The following CASS4 variants were observed in gnomAD, a reference collection of about 807,000 sequenced individuals.
CASS4 encodes cas scaffolding protein family member 4.
A neutral mutation model predicts 54.2 loss-of-function variants in CASS4; 22 were observed. The observed-to-expected ratio is 0.41, with a 90% CI of 0.29 to 0.58. The LOEUF (loss-of-function observed/expected upper bound fraction) is 0.58, where lower values mean the gene tolerates loss of function less well. CASS4 is among the 20% of genes least tolerant of loss of function. CASS4 has a pLI of 0.36. For synonymous variants in CASS4, 409 were observed against 391.5 expected, an observed-to-expected ratio of 1.04 and a Z score of -0.53; for missense variants, 854 against 986.7, an observed-to-expected ratio of 0.87 and a Z score of 1.80.
chr20:56,456,957 A>G (rs1055613267), intron 5 of CASS4, among the ~76,000 whole-genome samples: 1 of 152,196 alleles, frequency 6.6e-6, no homozygotes, highest in African/African-American at 2.4e-5. Flanking sequence ...AAGTGCTGGG[A>G]TTACAGGTGT....
intron 2 of CASS4, among the ~76,000 whole-genome samples, chr20:56,440,430 G>A (rs868266143): frequency 4.6e-5 from 7 of 152,182 alleles, no homozygotes; most frequent in African/African-American, 1.7e-4. Context: ...CAGATGCGCT[G>A]TCCTCTGTTG....
Position 56,452,510 on chromosome 20 carries a change from T to C in CASS4, c.1334T>C (p.Met445Thr). 2.5e-6 allele frequency: 4 copies of C among 1,613,972 alleles called. No homozygotes were observed. Among genetic ancestry groups the C allele is most frequent in the Non-Finnish European group, 3.4e-6 (4 of 1,179,890 alleles). Residue 445 changes from methionine to threonine, a missense_variant, in exon 5 of 6, where the codon ATG (methionine) becomes ACG (threonine). Coordinates refer to ENST00000679887, the MANE Select transcript of CASS4 (RefSeq NM_020356.4). The part of the protein sequence containing the change: ...LDLDVAKETV[M>T]ALQHKVVSSV... ...CTGGATGTGGCCAAGGAGACAGTGA[T>C]GGCTCTGCAGCACAAGGTGGTCAGC...
At position 56,452,489 on chromosome 20, in the gene CASS4, A is replaced by G. The variant is rs756822677; in HGVS notation, c.1313A>G (p.Asp438Gly). The change falls in exon 5 of 6, where the codon GAT becomes GGT. Residue 438 changes from aspartate (D) to glycine (G), a missense_variant. Coordinates refer to ENST00000679887, the MANE Select transcript of CASS4 (RefSeq NM_020356.4). The stretch of plus-strand genomic sequence containing the variant: ...GCAAAGGAGCTCTCCTTGGACCTGG[A>G]TGTGGCCAAGGAGACAGTGATGGCT... The part of the protein sequence containing the change: ...ESAKELSLDL[D>G]VAKETVMALQ... 4.2e-5 allele frequency: 67 copies of G among 1,613,666 alleles called. No individual in the cohort carries two copies. Among genetic ancestry groups the G allele is most frequent in the Non-Finnish European group, 6.8e-6 (8 of 1,179,788 alleles).
At chr20:56,445,779 G>A (rs1187681455) in intron 2 of CASS4, 121 bp from the exon 3 acceptor site, 15 of 690,676 alleles carry the variant, frequency 2.2e-5, no homozygotes, top group Middle Eastern at 2.5e-4. Flanking sequence ...CGGGGGTGCC[G>A]GGCGACCCCT....
chr20:56,456,503 A>G (rs1212740415), intron 5 of CASS4, among the ~76,000 whole-genome samples: 1 of 151,604 alleles, frequency 6.6e-6, no homozygotes, highest in Non-Finnish European at 1.5e-5. Context: ...CCTCCTGAGT[A>G]GCTGGGACTA....
chr20:56,443,744 C>T (rs1980575026), intron 2 of CASS4, among the ~76,000 whole-genome samples: 2 of 152,042 alleles, frequency 1.3e-5, no homozygotes, highest in South Asian at 4.1e-4. Context: ...GCAGGCTGGA[C>T]GAGGGCCGCT....
rs778977913 is a variant in CASS4, at chr20:56,451,796, A to G, written c.643-23A>G. The G allele has an allele frequency of 1.9e-6, 3 of 1,576,050 alleles. No homozygotes were observed. In the South Asian group the frequency reaches 3.4e-5, roughly 18 times the overall value. On this transcript the variant is annotated intron_variant, in intron 4 of 5. Coordinates refer to ENST00000679887, the MANE Select transcript of CASS4 (RefSeq NM_020356.4). ...CTCTTTGGAAAGCTACTAACCCGGC[A>G]ACTATGTGTGGTTCTCCCACAGGGG...
intron 5 of CASS4, among the ~76,000 whole-genome samples, chr20:56,458,014 CAAAAAAAAAAA>C (rs11355939): frequency 1.2e-4 from 9 of 76,510 alleles, no homozygotes; most frequent in African/African-American, 4.0e-4. Flanking sequence ...AACTCTGTCT[CAAAAAAAAAAA>C]AAAAAAAAAA....
At chr20:56,446,541 TG>T (rs1249587748) in intron 3 of CASS4, among the ~76,000 whole-genome samples, 3 of 152,192 alleles carry the variant, frequency 2.0e-5, no homozygotes, top group East Asian at 1.9e-4. Context: ...AAATTTTAGT[TG>T]TTTTTTTTTA....
chr20:56,441,677 G>A (rs1980466230), intron 2 of CASS4, among the ~76,000 whole-genome samples: 1 of 152,100 alleles, frequency 6.6e-6, no homozygotes, highest in Non-Finnish European at 1.5e-5. Context: ...GATGTGGTCT[G>A]TGGCTTACAA....
At chr20:56,418,387 C>T (rs1239461812) in intron 1 of CASS4, among the ~76,000 whole-genome samples, 2 of 152,126 alleles carry the variant, frequency 1.3e-5, no homozygotes, top group Non-Finnish European at 1.5e-5. Flanking sequence ...GAGGTGTAAG[C>T]AGGATAACAT....
At chr20:56,456,718 G>T (rs1981315174) in intron 5 of CASS4, among the ~76,000 whole-genome samples, 1 of 150,306 alleles carries the variant, frequency 6.7e-6, no homozygotes, top group Non-Finnish European at 1.5e-5. Context: ...TTGCTCTGTT[G>T]CTGAGGCTAG....
intron 2 of CASS4, among the ~76,000 whole-genome samples, chr20:56,441,635 G>C (rs1377389068): frequency 2.0e-5 from 3 of 152,020 alleles, no homozygotes; most frequent in Non-Finnish European, 4.4e-5. Context: ...TTAATTTCTT[G>C]CCTTCTCTGT....
chr20:56,418,045 C>A (rs960925277), intron 1 of CASS4, among the ~76,000 whole-genome samples: 1 of 152,182 alleles, frequency 6.6e-6, no homozygotes, highest in African/African-American at 2.4e-5. Context: ...GCCATTCACC[C>A]AATGCATAGT....
In CASS4 at chr20:56,459,523, G is replaced by A. The variant is rs77584750; in HGVS notation, c.*776G>A. On this transcript the variant is annotated 3_prime_UTR_variant, in exon 6 of 6. Coordinates refer to ENST00000679887, the MANE Select transcript of CASS4 (RefSeq NM_020356.4). Reference sequence around the variant, plus strand: ...ATCTGAATCCACTGGGGAGTGGGGCGATTTTGTTTTAATTTCTCGGTCAGG... The same window carrying A: ...ATCTGAATCCACTGGGGAGTGGGGCAATTTTGTTTTAATTTCTCGGTCAGG... The A allele has an allele frequency of 1.6e-5, 4 of 244,924 alleles. No individual in the cohort carries two copies. In the South Asian group the frequency reaches 1.8e-4, roughly 11 times the overall value. The allele number at this position is 244,924 out of a possible 1,614,324, so 15.2% of individuals were successfully genotyped here. A position where few individuals can be genotyped will look rare whatever the true frequency, so the allele number is the denominator to read the frequency against.
In CASS4 at chr20:56,436,360, G is replaced by GTA. The variant is rs374578148; in HGVS notation, c.37-792_37-791dup. Among the ~76,000 whole-genome samples the GTA allele has an allele frequency of 7.9e-3, 1,088 of 137,808 alleles. 7 individuals are homozygous for GTA. The highest frequency in any genetic ancestry group is 0.024 in the South Asian group (106 of 4,332). 90.4% of individuals were successfully genotyped at this position (137,808 alleles called of 152,430 possible). A position where few individuals can be genotyped will look rare whatever the true frequency, so the allele number is the denominator to read the frequency against. On this transcript the variant is annotated intron_variant, in intron 1 of 5. Transcript: ENST00000679887. The stretch of plus-strand genomic sequence containing the variant: ...TATGTGTGTGTGTGTGTGTGTGTGT[G>GTA]TATATATATATATGTATATATATAT...
chr20:56,423,827 G>A (rs1179734580), intron 1 of CASS4, among the ~76,000 whole-genome samples: 1 of 152,174 alleles, frequency 6.6e-6, no homozygotes, highest in East Asian at 1.9e-4. Flanking sequence ...TTACAGACAT[G>A]AGCCACTGCG....
Position 56,452,542 on chromosome 20 carries a change from G to C in CASS4, c.1366G>C (p.Ala456Pro). Residue 456 changes from alanine to proline, a missense_variant, in exon 5 of 6, where the codon GCT (alanine) becomes CCT (proline). Physicochemically the swap from Ala to Pro is conservative, Grantham distance 27 (BLOSUM62 -1). Transcript: ENST00000679887. ...ALQHKVVSSV[A>P]GLMLFVSRKW... The stretch of plus-strand genomic sequence containing the variant: ...GCAGCACAAGGTGGTCAGCTCTGTC[G>C]CTGGCCTGATGCTCTTTGTCAGCAG... 1.2e-6 allele frequency: 2 copies of C among 1,614,124 alleles called. No individual in the cohort carries two copies. The highest frequency in any genetic ancestry group is 2.2e-5 in the South Asian group (2 of 91,072).
rs966142569 is a variant in CASS4, at chr20:56,437,004, G to A, written c.37-160G>A. 1.3e-5 allele frequency among the ~76,000 whole-genome samples: 2 copies of A among 152,190 alleles called. No homozygotes were observed. Among genetic ancestry groups the A allele is most frequent in the African/African-American group, 4.8e-5 (2 of 41,452 alleles). ...TCACTTAGACCCCAAGGATGTGAAGGAACAAATCAAAGAGCAGGGACAAGA... is the reference window on the plus strand; with the variant it reads ...TCACTTAGACCCCAAGGATGTGAAGAAACAAATCAAAGAGCAGGGACAAGA... On this transcript the variant is annotated intron_variant, in intron 1 of 5. Coordinates refer to ENST00000679887, the MANE Select transcript of CASS4 (RefSeq NM_020356.4). The surrounding 1 kb of genome is among the most constrained non-coding windows in gnomAD (Gnocchi z 4.7).
Sources: gnomAD v4.1 joint callset for allele counts (sites outside exome capture counted in the v4.1 genomes callset) on GRCh38, gnomAD v4.1.1 for gene constraint, Gnocchi (gnomAD v3.1) non-coding constraint, MANE v1.5 for transcripts, NCBI Gene and HGNC (gene_info 2026-07-23, HGNC 2026-07-21) for gene names.